Variants in MDGA2 observed in about 807,000 individuals in gnomAD.
MDGA2 encodes the protein MAM domain containing glycosylphosphatidylinositol anchor 2.
In MDGA2, 40 loss-of-function variants were observed where a neutral mutation model predicts 117.8. That is an observed-to-expected ratio of 0.34 (90% CI 0.26 to 0.44). The LOEUF is 0.44. MDGA2 is among the 20% of genes least tolerant of loss of function. MDGA2 has a pLI of 1.00. For synonymous variants in MDGA2, 452 were observed against 439.0 expected, an observed-to-expected ratio of 1.03 and a Z score of -0.37; for missense variants, 1,123 against 1,250.6, an observed-to-expected ratio of 0.90 and a Z score of 1.54.
intron 3 of MDGA2, among the ~76,000 whole-genome samples, chr14:47,173,012 C>G (rs1417998256): frequency 6.6e-6 from 1 of 152,074 alleles, no homozygotes. Flanking sequence ...GCAGAAGCCC[C>G]AGGAGCCGAT....
At chr14:46,922,195 G>C (rs890111898) in intron 9 of MDGA2, among the ~76,000 whole-genome samples, 1 of 152,114 alleles carries the variant, frequency 6.6e-6, no homozygotes, top group African/African-American at 2.4e-5. Context: ...ATGAATACCA[G>C]TGATTTCCGA....
chr14:47,042,109 T>C (rs1321618686), intron 7 of MDGA2, among the ~76,000 whole-genome samples: 1 of 152,006 alleles, frequency 6.6e-6, no homozygotes, highest in African/African-American at 2.4e-5. Context: ...ATAAAAGATA[T>C]GTATGTTCTC....
chr14:47,638,363 T>A (rs1897361619), intron 1 of MDGA2, among the ~76,000 whole-genome samples: 1 of 152,146 alleles, frequency 6.6e-6, no homozygotes, highest in African/African-American at 2.4e-5. Flanking sequence ...CCTAGAGTAA[T>A]TTGTGCACCT....
rs541018334 is a variant in MDGA2 at position 47,529,648 on chromosome 14, G to A, written c.280+144869C>T. On this transcript the variant is annotated intron_variant, in intron 1 of 16. Transcript: ENST00000399232. ...ATCATTAACAAAGAACTCTACTCCA[G>A]CATTCTGAACCCTTGACTTAAATTG... is the stretch of plus-strand genomic sequence containing the variant. Among the ~76,000 whole-genome samples the A allele has an allele frequency of 1.1e-4, 17 of 152,126 alleles. No homozygotes were observed. In the East Asian group the frequency reaches 3.3e-3, roughly 29 times the overall value.
At chr14:47,247,632 T>TTTTTTTA (rs33990961) in intron 2 of MDGA2, among the ~76,000 whole-genome samples, 1 of 146,126 alleles carries the variant, frequency 6.8e-6, no homozygotes, top group Non-Finnish European at 1.5e-5. Context: ...TCAGTACATA[T>TTTTTTTA]TTATTATTAT....
chr14:47,658,767 CA>C (rs1384329974), intron 1 of MDGA2, among the ~76,000 whole-genome samples: 1 of 152,164 alleles, frequency 6.6e-6, no homozygotes, highest in Non-Finnish European at 1.5e-5. Flanking sequence ...CTGCCTAACC[CA>C]AATATATTGG....
chr14:47,130,924 G>A (rs1050761577), intron 5 of MDGA2, among the ~76,000 whole-genome samples: 3 of 151,994 alleles, frequency 2.0e-5, no homozygotes, highest in East Asian at 3.9e-4. Flanking sequence ...TGTAAATGAC[G>A]AGTTAATGGG....
intron 1 of MDGA2, among the ~76,000 whole-genome samples, chr14:47,548,757 G>A (rs1422117355): frequency 6.7e-6 from 1 of 149,314 alleles, no homozygotes; most frequent in Non-Finnish European, 1.5e-5. Flanking sequence ...CCTGAATGTG[G>A]CCAGCGTGCA....
At chr14:47,529,761 G>GTTACATGTTTGGCTAAATGCCGTT (rs1239124118) in intron 1 of MDGA2, among the ~76,000 whole-genome samples, 24 of 152,314 alleles carry the variant, frequency 1.6e-4, no homozygotes, top group African/African-American at 5.8e-4. Context: ...GTAGGGGTAA[G>GTTACATGTTTGGCTAAATGCCGTT]TTACATGTTT....
chr14:47,506,165 G>C (rs1021240920), intron 1 of MDGA2, among the ~76,000 whole-genome samples: 1 of 152,080 alleles, frequency 6.6e-6, no homozygotes, highest in Non-Finnish European at 1.5e-5. Flanking sequence ...AGCACAAAGT[G>C]TTTAGGCAAA....
chr14:47,039,739 A>ATT (rs1888992966), intron 7 of MDGA2, among the ~76,000 whole-genome samples: 1 of 152,196 alleles, frequency 6.6e-6, no homozygotes, highest in Non-Finnish European at 1.5e-5. Flanking sequence ...GATGTAATAG[A>ATT]CCTATATTTA....
intron 8 of MDGA2, among the ~76,000 whole-genome samples, chr14:46,990,627 T>C (rs1294155986): frequency 6.6e-6 from 1 of 151,986 alleles, no homozygotes; most frequent in African/African-American, 2.4e-5. Flanking sequence ...CATTAGAAAA[T>C]AGGAGTCTTT....
chr14:47,286,635 C>T (rs910557986), intron 2 of MDGA2, among the ~76,000 whole-genome samples: 2 of 151,522 alleles, frequency 1.3e-5, no homozygotes, highest in Non-Finnish European at 2.9e-5. Flanking sequence ...ATTCATCCAC[C>T]GGAGGACATT....
intron 1 of MDGA2, among the ~76,000 whole-genome samples, chr14:47,493,344 C>T (rs777119060): frequency 6.7e-6 from 1 of 150,312 alleles, no homozygotes; most frequent in Non-Finnish European, 1.5e-5. Context: ...GAGACAAGGC[C>T]TCACTCTGTT....
chr14:47,264,012 T>C (rs982206902), intron 2 of MDGA2, among the ~76,000 whole-genome samples: 1 of 152,150 alleles, frequency 6.6e-6, no homozygotes, highest in African/African-American at 2.4e-5. Context: ...CAAACCACTT[T>C]TTATATCACA....
At chr14:46,934,861 T>G (rs973031266) in intron 9 of MDGA2, among the ~76,000 whole-genome samples, 1 of 152,094 alleles carries the variant, frequency 6.6e-6, no homozygotes, top group Non-Finnish European at 1.5e-5. Context: ...TTTTTGTCAG[T>G]GGGTGAGGAA....
At chr14:47,088,264 G>GAAAT (rs60532467) in intron 6 of MDGA2, among the ~76,000 whole-genome samples, 2 of 151,640 alleles carry the variant, frequency 1.3e-5, no homozygotes, top group Admixed American at 1.3e-4. Context: ...AGATAATAAT[G>GAAAT]CATTTTTGAG....
intron 1 of MDGA2, among the ~76,000 whole-genome samples, chr14:47,358,841 T>C (rs1358051287): frequency 6.6e-6 from 1 of 152,228 alleles, no homozygotes; most frequent in Admixed American, 6.5e-5. Context: ...AGATACTCCA[T>C]GCCCATGGAT....
chr14:47,301,951 G>C (rs888521569), intron 1 of MDGA2, among the ~76,000 whole-genome samples: 1 of 152,154 alleles, frequency 6.6e-6, no homozygotes, highest in Non-Finnish European at 1.5e-5. Context: ...GAATTTGAAT[G>C]GAAGACATTG....
Sources: allele counts gnomAD v4.1 joint callset (sites outside exome capture counted in the v4.1 genomes callset), GRCh38; gene constraint gnomAD v4.1.1; transcripts MANE v1.5; gene names NCBI Gene and HGNC (gene_info 2026-07-23, HGNC 2026-07-21).